Variants in TIMM23B observed in about 807,000 individuals in gnomAD.
TIMM23B encodes translocase of inner mitochondrial membrane 23 homolog B.
In TIMM23B, 27 loss-of-function variants were observed where a neutral mutation model predicts 27.3. The ratio of observed to expected loss-of-function variants is 0.99; its 90% CI spans 0.73 to 1.36. The LOEUF (loss-of-function observed/expected upper bound fraction) is 1.36. Among genes scored for constraint, TIMM23B ranks in the 40% most tolerant of loss-of-function variants. The pLI is 0.00. For missense variants in TIMM23B, 205 were observed against 244.2 expected (o/e 0.84, Z 1.07); for synonymous variants, 73 against 92.4 (o/e 0.79, Z 1.21).
intron 4 of TIMM23B, among the ~76,000 whole-genome samples, chr10:49,953,110 T>G (rs1259976611): frequency 6.6e-5 from 10 of 152,298 alleles, no homozygotes; most frequent in African/African-American, 1.9e-4. Flanking sequence ...AGAAAGTATG[T>G]TTTCACCCAA....
intron 3 of TIMM23B, 33 bp downstream of exon 3, chr10:49,952,252 T>G: frequency 1.3e-6 from 2 of 1,574,552 alleles, no homozygotes; most frequent in East Asian, 2.2e-5. Context: ...TCAAGAGTGC[T>G]CAGTTCAAGT....
At chr10:49,949,850 T>G (rs1839467455) in intron 2 of TIMM23B, among the ~76,000 whole-genome samples, 1 of 151,100 alleles carries the variant, frequency 6.6e-6, no homozygotes, top group South Asian at 2.1e-4. Context: ...CAACTTTTTT[T>G]TTTTCTTGTT....
At chr10:49,963,967 AATGACATGAC>A (rs1370744517) in intron 6 of TIMM23B, among the ~76,000 whole-genome samples, 2 of 152,174 alleles carry the variant, frequency 1.3e-5, no homozygotes, top group Non-Finnish European at 2.9e-5. Context: ...TCTGGCTCGA[AATGACATGAC>A]ATGACATGAT....
At chr10:49,944,184 A>C (rs61847101) in intron 1 of TIMM23B, among the ~76,000 whole-genome samples, 3 of 152,364 alleles carry the variant, frequency 2.0e-5, no homozygotes, top group Admixed American at 1.3e-4. Flanking sequence ...TTTCTTAAGA[A>C]AAATCACGTA....
chr10:49,971,604 TA>T (rs1400023028), intron 6 of TIMM23B, among the ~76,000 whole-genome samples: 1 of 152,256 alleles, frequency 6.6e-6, no homozygotes, highest in African/African-American at 2.4e-5. Context: ...GTGTCATTTA[TA>T]TCCCTTACTT....
chr10:49,949,953 G>A (rs1200077458), intron 2 of TIMM23B, among the ~76,000 whole-genome samples: 1 of 151,848 alleles, frequency 6.6e-6, no homozygotes, highest in Non-Finnish European at 1.5e-5. Flanking sequence ...CCAAAGTGCT[G>A]GGATTACAAG....
chr10:49,964,607 G>GTGAAATGAAA (rs1267015178), intron 6 of TIMM23B, among the ~76,000 whole-genome samples: 1 of 150,026 alleles, frequency 6.7e-6, no homozygotes, highest in African/African-American at 2.5e-5. Context: ...GAAATGCCGG[G>GTGAAATGAAA]TGAAATGAAA....
At chr10:49,964,741 A>G (rs1180153622) in intron 6 of TIMM23B, among the ~76,000 whole-genome samples, 5 of 151,620 alleles carry the variant, frequency 3.3e-5, no homozygotes, top group African/African-American at 1.2e-4. Flanking sequence ...AAATGGGATG[A>G]AATGAAATGA....
rs547885152 is a variant in TIMM23B, at chr10:49,966,926, C to T, written c.515-6086C>T. Among the ~76,000 whole-genome samples the T allele has an allele frequency of 7.0e-5, 10 of 143,658 alleles. No individual in the cohort carries two copies. In the East Asian group the frequency reaches 2.2e-3, roughly 31 times the overall value. 94.2% of individuals were successfully genotyped at this position (143,658 alleles called of 152,430 possible). ...TTCTATTAAAATAGCTCTGTACTTA[C>T]TATGTTGAGCCCTTCCTTTTTTTTT... On this transcript the variant is annotated intron_variant, in intron 6 of 6. Transcript: ENST00000651259.
chr10:49,948,410 G>A lies in TIMM23B; in HGVS notation c.165+3320G>A, dbSNP rs1252627298. 1.6e-4 allele frequency among the ~76,000 whole-genome samples: 25 copies of A among 152,148 alleles called. No individual in the cohort carries two copies. In the South Asian group the frequency reaches 5.2e-3, roughly 32 times the overall value. On this transcript the variant is annotated intron_variant, in intron 2 of 6. Transcript: ENST00000651259. ...TTGAAAACCTCTGTGCACATAAGTT[G>A]TAAATGAATGTTGCTAGTAGCATTA...
intron 6 of TIMM23B, among the ~76,000 whole-genome samples, chr10:49,967,057 C>A (rs1199545865): frequency 6.6e-6 from 1 of 151,990 alleles, no homozygotes; most frequent in Non-Finnish European, 1.5e-5. Flanking sequence ...GATGCTAGGA[C>A]TACAGGCACA....
At chr10:49,955,576 G>A (rs1839689598) in intron 5 of TIMM23B, among the ~76,000 whole-genome samples, 1 of 152,220 alleles carries the variant, frequency 6.6e-6, no homozygotes, top group East Asian at 1.9e-4. Flanking sequence ...TAATTTAGTA[G>A]TGCTTAGTCA....
chr10:49,973,217 T>C lies in TIMM23B; in HGVS notation c.*153T>C, dbSNP rs1840527691. 3.7e-6 allele frequency: 2 copies of C among 543,198 alleles called. No homozygotes were observed. 33.6% of individuals were successfully genotyped at this position (543,198 alleles called of 1,614,324 possible). A position where few individuals can be genotyped will look rare whatever the true frequency, so the allele number is the denominator to read the frequency against. ...GACAAGTAGTAGTCTCTGTCAGAGC[T>C]ACATTTTAAAGGAGAAAAAGAAACG... On this transcript the variant is annotated 3_prime_UTR_variant, in exon 7 of 7. Transcript: ENST00000651259.
At chr10:49,951,794 A>T (rs1384493518) in intron 2 of TIMM23B, among the ~76,000 whole-genome samples, 1 of 152,300 alleles carries the variant, frequency 6.6e-6, no homozygotes, top group African/African-American at 2.4e-5. Flanking sequence ...TTTCTTCCAG[A>T]CTGGTTGTCT....
chr10:49,964,236 A>G (rs1840032988), intron 6 of TIMM23B, among the ~76,000 whole-genome samples: 1 of 151,456 alleles, frequency 6.6e-6, no homozygotes, highest in South Asian at 2.1e-4. Context: ...TGAATACTGA[A>G]ATGAAATAAT....
intron 5 of TIMM23B, 121 bp downstream of exon 5, chr10:49,955,181 C>T (rs1839673540): frequency 9.7e-7 from 1 of 1,030,300 alleles, no homozygotes; most frequent in South Asian, 1.4e-5. Flanking sequence ...TGTTTAAATC[C>T]ATTCCAATGC....
chr10:49,964,544 G>A (rs367592236), intron 6 of TIMM23B, among the ~76,000 whole-genome samples: 657 of 151,670 alleles, frequency 4.3e-3, no homozygotes, highest in East Asian at 0.017. Flanking sequence ...GGGAGTCTCC[G>A]TCTCGAAATG....
At chr10:49,957,973 C>T (rs1473403737) in intron 5 of TIMM23B, among the ~76,000 whole-genome samples, 2 of 152,132 alleles carry the variant, frequency 1.3e-5, no homozygotes, top group African/African-American at 4.8e-5. Flanking sequence ...GTCTTACAGC[C>T]TGCAATCAGA....
chr10:49,949,171 T>TA (rs1839442839), intron 2 of TIMM23B, among the ~76,000 whole-genome samples: 2 of 147,868 alleles, frequency 1.4e-5, no homozygotes, highest in African/African-American at 5.0e-5. Context: ...GTGCTGGAAT[T>TA]ACAGGCATGA....
Sources: allele counts gnomAD v4.1 joint callset (sites outside exome capture counted in the v4.1 genomes callset), GRCh38; gene constraint gnomAD v4.1.1; transcripts MANE v1.5; gene names NCBI Gene and HGNC (gene_info 2026-07-23, HGNC 2026-07-21).